The following FSTL5 variants were observed in gnomAD, a reference collection of about 807,000 sequenced individuals.
FSTL5 encodes follistatin-related protein 5.
Under a neutral mutation model 89.1 loss-of-function variants are expected in FSTL5, and 62 were observed. The ratio of observed to expected loss-of-function variants is 0.70; its 90% CI spans 0.57 to 0.86. FSTL5 has a LOEUF of 0.86. FSTL5 is among the 40% of genes least tolerant of loss of function. FSTL5 has a pLI of 0.00. For missense variants in FSTL5, 1,057 were observed against 1,001.6 expected (o/e 1.06, Z -0.75); for synonymous variants, 383 against 346.2 (o/e 1.11, Z -1.18).
At chr4:161,555,966 A>T (rs911457703) in intron 8 of FSTL5, among the ~76,000 whole-genome samples, 19 of 151,650 alleles carry the variant, frequency 1.3e-4, no homozygotes, top group African/African-American at 4.3e-4. Flanking sequence ...TTCAACACGC[A>T]AGAAAACTAT....
At chr4:161,532,761 A>C (rs1471749099) in intron 10 of FSTL5, among the ~76,000 whole-genome samples, 2 of 152,018 alleles carry the variant, frequency 1.3e-5, no homozygotes. Flanking sequence ...GCTACAGAAT[A>C]CTCCACCGAA....
intron 4 of FSTL5, among the ~76,000 whole-genome samples, chr4:161,836,527 C>T (rs1731048765): frequency 6.6e-6 from 1 of 151,440 alleles, no homozygotes. Context: ...CACAGTGCAG[C>T]ATCCCTCAGG....
At chr4:162,070,145 G>A (rs1021594692) in intron 2 of FSTL5, among the ~76,000 whole-genome samples, 24 of 151,550 alleles carry the variant, frequency 1.6e-4, no homozygotes, top group Admixed American at 9.9e-4. Flanking sequence ...TCGGGGATTC[G>A]TATGTTTTCT....
At chr4:161,903,152 A>T (rs1331829333) in intron 4 of FSTL5, among the ~76,000 whole-genome samples, 3 of 151,884 alleles carry the variant, frequency 2.0e-5, no homozygotes, top group Non-Finnish European at 4.4e-5. Flanking sequence ...ATTTTTTTTC[A>T]TGTCATCCAT....
intron 14 of FSTL5, among the ~76,000 whole-genome samples, chr4:161,458,691 A>C (rs1037990306): frequency 6.6e-6 from 1 of 152,184 alleles, no homozygotes; most frequent in Non-Finnish European, 1.5e-5. Context: ...GACTGCTCCA[A>C]AGGGTCATGA....
chr4:161,744,124 G>A (rs1252394307), intron 6 of FSTL5, among the ~76,000 whole-genome samples: 1 of 151,842 alleles, frequency 6.6e-6, no homozygotes, highest in African/African-American at 2.4e-5. Context: ...AAAGATAGAT[G>A]CTTTGTGCAC....
rs760556980 is a variant in FSTL5, at chr4:161,775,927, T to C, written c.557A>G (p.Tyr186Cys). The part of the protein sequence containing the change: ...KKLLVDQMFK[Y>C]FDADSNGLVD... ...AAGTCCATTACTGTCTGCATCAAAATATTTAAACATTTGATCCACCAATAG... is the reference window on the plus strand; with the variant it reads ...AAGTCCATTACTGTCTGCATCAAAACATTTAAACATTTGATCCACCAATAG... The change falls in exon 5 of 16, where the codon TAT (tyrosine) becomes TGT (cysteine). Residue 186 changes from tyrosine to cysteine, a missense_variant. Tyr to Cys is a radical substitution (Grantham distance 194). Transcript: ENST00000306100. 2 of 1,604,644 alleles carry C rather than the reference T, an allele frequency of 1.2e-6. No homozygotes were observed. The highest frequency in any genetic ancestry group is 1.7e-6 in the Non-Finnish European group (2 of 1,175,642).
At chr4:161,963,027 T>C (rs180717086) in intron 3 of FSTL5, among the ~76,000 whole-genome samples, 26 of 152,144 alleles carry the variant, frequency 1.7e-4, no homozygotes, top group African/African-American at 6.0e-4. Flanking sequence ...CTAGCTGTAT[T>C]TTGTTTAGCT....
Position 161,686,804 on chromosome 4 carries a change from C to T in FSTL5, c.728-30310G>A, listed in dbSNP as rs756128032. ...AATTGTAACTTGTGTGCAATAGGCA[C>T]ACTTTTAAATAAAATTATTTTATAG... On this transcript the variant is annotated intron_variant, in intron 6 of 15. Transcript: ENST00000306100. Among the ~76,000 whole-genome samples the T allele has an allele frequency of 3.8e-4, 58 of 152,138 alleles. 1 individual carries two copies. The highest frequency in any genetic ancestry group is 7.2e-4 in the Non-Finnish European group (49 of 68,002).
intron 2 of FSTL5, among the ~76,000 whole-genome samples, chr4:162,063,008 T>G (rs1349528095): frequency 6.6e-6 from 1 of 151,816 alleles, no homozygotes; most frequent in Non-Finnish European, 1.5e-5. Context: ...TTTTAAATTG[T>G]GCTTTTTTCC....
chr4:161,564,998 T>C (rs1375623544), intron 8 of FSTL5, among the ~76,000 whole-genome samples: 1 of 151,954 alleles, frequency 6.6e-6, no homozygotes, highest in Admixed American at 6.6e-5. Flanking sequence ...ATTATATGTA[T>C]TTTGTTATAA....
At chr4:161,759,642 G>A (rs1740713944) in intron 5 of FSTL5, 111 bp from the exon 6 acceptor site, 1 of 611,940 alleles carries the variant, frequency 1.6e-6, no homozygotes, top group Non-Finnish European at 2.4e-6. Context: ...CTGCAGCAGG[G>A]CAAAAAACTC....
intron 4 of FSTL5, among the ~76,000 whole-genome samples, chr4:161,830,754 C>T (rs1560869713): frequency 2.0e-5 from 3 of 151,852 alleles, no homozygotes; most frequent in Non-Finnish European, 4.4e-5. Context: ...GAATATTAAA[C>T]ATGTCAAAGA....
chr4:161,405,479 G>A (rs1440310890), intron 15 of FSTL5, among the ~76,000 whole-genome samples: 2 of 151,986 alleles, frequency 1.3e-5, no homozygotes, highest in East Asian at 3.9e-4. Context: ...GAAAGAATCA[G>A]AAAATTTGCA....
rs182835742 is a variant in FSTL5 at position 161,539,284 on chromosome 4, T to C, written c.1178-984A>G. Among the ~76,000 whole-genome samples the C allele has an allele frequency of 1.9e-3, 289 of 151,926 alleles. 2 individuals carry two copies. The highest frequency in any genetic ancestry group is 6.7e-3 in the African/African-American group (279 of 41,432). On this transcript the variant is annotated intron_variant, in intron 9 of 15. Coordinates refer to ENST00000306100, the MANE Select transcript of FSTL5 (RefSeq NM_020116.5). ...AGCAGTAGAACGGGAAATGACTATC[T>C]GTGACAGGTAGAAGGCAACGTAATC...
intron 8 of FSTL5, among the ~76,000 whole-genome samples, chr4:161,568,415 T>C (rs1161845992): frequency 6.6e-6 from 1 of 152,180 alleles, no homozygotes; most frequent in Admixed American, 6.6e-5. Context: ...CCTGATGGTA[T>C]ATGCCTTAGA....
Position 161,991,354 on chromosome 4 carries a change from T to G in FSTL5, c.160+42271A>C, listed in dbSNP as rs11935534. 9.8e-3 allele frequency among the ~76,000 whole-genome samples: 1,495 copies of G among 152,220 alleles called. 28 individuals carry two copies. The highest frequency in any genetic ancestry group is 0.034 in the African/African-American group (1,417 of 41,534). ...CAAAATCACGAAGTTGTTTGGTCAT[T>G]GCAGCATCAACTATTTTCTAGTCTT... On this transcript the variant is annotated intron_variant, in intron 3 of 15. Coordinates refer to ENST00000306100, the MANE Select transcript of FSTL5 (RefSeq NM_020116.5).
chr4:161,828,772 T>C (rs1579122119), intron 4 of FSTL5, among the ~76,000 whole-genome samples: 1 of 152,162 alleles, frequency 6.6e-6, no homozygotes, highest in Non-Finnish European at 1.5e-5. Flanking sequence ...ACTTTGTCTC[T>C]AAATTTAACA....
intron 13 of FSTL5, among the ~76,000 whole-genome samples, chr4:161,470,573 G>C (rs1421533329): frequency 6.6e-6 from 1 of 151,500 alleles, no homozygotes; most frequent in Non-Finnish European, 1.5e-5. Flanking sequence ...GCTATTTAGG[G>C]TCCCTTAAGA....
Sources: gnomAD v4.1 joint callset for allele counts (sites outside exome capture counted in the v4.1 genomes callset) on GRCh38, gnomAD v4.1.1 for gene constraint, MANE v1.5 for transcripts, NCBI Gene and HGNC (gene_info 2026-07-23, HGNC 2026-07-21) for gene names.